ELAVL1: variants seen among roughly 807,000 people sequenced by gnomAD.
The protein encoded by ELAVL1 is ELAV like RNA binding protein 1, also known as ELAV-like protein 1.
In ELAVL1, 1 loss-of-function variant was observed where a neutral mutation model predicts 28.4. That is an observed-to-expected ratio of 0.04 (90% CI 0.01 to 0.17). The LOEUF is 0.17. Among genes scored for constraint, ELAVL1 ranks in the 10% least tolerant of loss-of-function variants. The probability of loss-of-function intolerance (pLI) is 1.00; values close to 1 mark genes in which losing one functional copy is unlikely to be tolerated. For synonymous variants in ELAVL1, 174 were observed against 183.5 expected (o/e 0.95, Z 0.42); for missense variants, 157 against 447.2 (o/e 0.35, Z 5.85).
rs149211357 is a variant in ELAVL1, at chr19:7,985,814, C to T, written c.173-4628G>A. ...GCTGTCCCAGAGGCCAGTGCATGCC[C>T]GGCTCTCACTTCCCTCAACTGGAGG... On this transcript the variant is annotated intron_variant, in intron 2 of 5. Transcript: ENST00000407627. 1.3e-4 allele frequency among the ~76,000 whole-genome samples: 20 copies of T among 152,312 alleles called. No homozygotes were observed. The East Asian group carries it at 3.7e-3, about 28-fold the overall frequency.
At chr19:8,001,460 T>A (rs1446807306) in intron 1 of ELAVL1, among the ~76,000 whole-genome samples, 1 of 152,092 alleles carries the variant, frequency 6.6e-6, no homozygotes. Flanking sequence ...CTAAGTGGGA[T>A]TGCAAACTCA....
At chr19:7,987,513 GGGCCA>G (rs1366994142) in intron 2 of ELAVL1, among the ~76,000 whole-genome samples, 10 of 152,308 alleles carry the variant, frequency 6.6e-5, no homozygotes, top group Non-Finnish European at 1.2e-4. Flanking sequence ...ATAGGGACCA[GGGCCA>G]GGCCAGCCAG....
In ELAVL1 at chr19:7,961,150, T is replaced by C. The variant is rs1339303553; in HGVS notation, c.*2333A>G. ...CCCAGCATCAGAATAATTGATAGGA[T>C]TCAGATAAAAGGGGGCGAGGAAAGA... On this transcript the variant is annotated 3_prime_UTR_variant, in exon 6 of 6. Coordinates refer to ENST00000407627, the MANE Select transcript of ELAVL1 (RefSeq NM_001419.3). 2 of 152,210 alleles carry C rather than the reference T, an allele frequency of 1.3e-5. No homozygotes were observed. The highest frequency in any genetic ancestry group is 2.9e-5 in the Non-Finnish European group (2 of 68,040). The allele number at this position is 152,210 out of a possible 1,614,324, so 9.4% of individuals were successfully genotyped here.
In ELAVL1 at chr19:7,961,178, C is replaced by G. The variant is rs1364671457; in HGVS notation, c.*2305G>C. On this transcript the variant is annotated 3_prime_UTR_variant, in exon 6 of 6. Transcript: ENST00000407627. The stretch of plus-strand genomic sequence containing the variant: ...AGATAAAAGGGGGCGAGGAAAGAAG[C>G]TGAGGTGCTACAAGCCCGTCATCAT... The G allele has an allele frequency of 1.3e-5, 2 of 152,288 alleles. No homozygotes were observed. Among genetic ancestry groups the G allele is most frequent in the East Asian group, 1.9e-4 (1 of 5,206 alleles). The allele number at this position is 152,288 out of a possible 1,614,324, so 9.4% of individuals were successfully genotyped here. A position where few individuals can be genotyped will look rare whatever the true frequency, so the allele number is the denominator to read the frequency against.
Position 7,962,435 on chromosome 19 carries a change from G to A in ELAVL1, c.*1048C>T, listed in dbSNP as rs1051042945. ...TTAATCTTTAAAACTACAAATCAAAGGTTTTGGTTAATAGATAACTGGCAA... is the reference window on the plus strand; with the variant it reads ...TTAATCTTTAAAACTACAAATCAAAAGTTTTGGTTAATAGATAACTGGCAA... On this transcript the variant is annotated 3_prime_UTR_variant, in exon 6 of 6. Transcript: ENST00000407627. 3.9e-5 allele frequency: 6 copies of A among 152,586 alleles called. No homozygotes were observed. Among genetic ancestry groups the A allele is most frequent in the Non-Finnish European group, 5.9e-5 (4 of 68,020 alleles). The allele number at this position is 152,586 out of a possible 1,614,324, so 9.5% of individuals were successfully genotyped here. A position where few individuals can be genotyped will look rare whatever the true frequency, so the allele number is the denominator to read the frequency against.
rs1568306126 is a variant in ELAVL1 at position 7,963,146 on chromosome 19, T to G, written c.*337A>C. 1 of 224,522 alleles carries G rather than the reference T, an allele frequency of 4.5e-6. No homozygotes were observed. Among genetic ancestry groups the G allele is most frequent in the East Asian group, 9.8e-5 (1 of 10,240 alleles). 13.9% of individuals were successfully genotyped at this position (224,522 alleles called of 1,614,324 possible). On this transcript the variant is annotated 3_prime_UTR_variant, in exon 6 of 6. Transcript: ENST00000407627. The surrounding 1 kb of genome is among the most constrained non-coding windows in gnomAD (Gnocchi z 4.5). Reference sequence around the variant, plus strand: ...CTACCCAGTCTGTGGAGACATTGAATGAAACGCGTGTTAGACAGTCTTAGA... The same window carrying G: ...CTACCCAGTCTGTGGAGACATTGAAGGAAACGCGTGTTAGACAGTCTTAGA...
intron 1 of ELAVL1, among the ~76,000 whole-genome samples, chr19:7,996,291 C>T (rs981153201): frequency 6.6e-6 from 1 of 151,780 alleles, no homozygotes; most frequent in Admixed American, 6.6e-5. Flanking sequence ...ATGCCATTCT[C>T]CTGCCTCAGC....
intron 3 of ELAVL1, among the ~76,000 whole-genome samples, chr19:7,974,663 A>G (rs1161559482): frequency 6.6e-6 from 1 of 152,172 alleles, no homozygotes; most frequent in Non-Finnish European, 1.5e-5. Context: ...CAGCCTCGTC[A>G]GGAGGCTGGG....
At chr19:7,996,614 C>T (rs1444959529) in intron 1 of ELAVL1, among the ~76,000 whole-genome samples, 5 of 151,530 alleles carry the variant, frequency 3.3e-5, no homozygotes, top group East Asian at 2.0e-4. Context: ...GAGACCAGTC[C>T]GGCCAACATG....
intron 1 of ELAVL1, among the ~76,000 whole-genome samples, chr19:7,993,861 T>C (rs530501420): frequency 6.6e-6 from 1 of 152,144 alleles, no homozygotes; most frequent in East Asian, 1.9e-4. Flanking sequence ...TGAACACACC[T>C]CTCATGTGGA....
chr19:7,981,657 C>T lies in ELAVL1; in HGVS notation c.173-471G>A, dbSNP rs559567052. On this transcript the variant is annotated intron_variant, in intron 2 of 5. Coordinates refer to ENST00000407627, the MANE Select transcript of ELAVL1 (RefSeq NM_001419.3). This position sits in a 1 kb window ranked among gnomAD's most constrained non-coding sequence, Gnocchi z 4.2. ...AAGTGTTGGGATTACAGATGTGAGC[C>T]ACTGAGCCTGGCCAAGAGGTTTTAC... Among the ~76,000 whole-genome samples, 5 of 152,254 alleles carry T rather than the reference C, an allele frequency of 3.3e-5. No individual in the cohort carries two copies. In the East Asian group the frequency reaches 9.6e-4, roughly 29 times the overall value.
chr19:7,993,581 T>A (rs1985807148), intron 1 of ELAVL1, among the ~76,000 whole-genome samples: 1 of 152,098 alleles, frequency 6.6e-6, no homozygotes, highest in African/African-American at 2.4e-5. Flanking sequence ...TGGAGAAGAG[T>A]CCAGATCAAT....
intron 4 of ELAVL1, 176 bp downstream of exon 4, chr19:7,973,549 G>A (rs1985184532): frequency 2.6e-6 from 2 of 770,412 alleles, no homozygotes; most frequent in South Asian, 4.0e-5. Context: ...TTCTTTTAAT[G>A]CCATCTTACC....
chr19:7,974,695 A>AAG (rs1985229415), intron 3 of ELAVL1, among the ~76,000 whole-genome samples: 1 of 152,086 alleles, frequency 6.6e-6, no homozygotes, highest in Non-Finnish European at 1.5e-5. Context: ...GGAGCAGGAG[A>AAG]TGTGTTCCCG....
intron 4 of ELAVL1, among the ~76,000 whole-genome samples, chr19:7,970,699 G>A (rs983963472): frequency 6.6e-6 from 1 of 152,078 alleles, no homozygotes; most frequent in African/African-American, 2.4e-5. Flanking sequence ...AAAAAATTAA[G>A]CTCTGTCAGC....
chr19:7,978,936 T>C (rs1451438859), intron 3 of ELAVL1, among the ~76,000 whole-genome samples: 2 of 152,168 alleles, frequency 1.3e-5, no homozygotes, highest in African/African-American at 4.8e-5. Context: ...TCCAGGCCCT[T>C]ATCACACTGC....
chr19:7,986,875 T>G (rs1465918215), intron 2 of ELAVL1, among the ~76,000 whole-genome samples: 1 of 152,182 alleles, frequency 6.6e-6, no homozygotes, highest in Admixed American at 6.5e-5. Flanking sequence ...CATGAATACG[T>G]AAAGAAAATC....
At chr19:7,997,929 C>T (rs747363552) in intron 1 of ELAVL1, among the ~76,000 whole-genome samples, 26 of 151,954 alleles carry the variant, frequency 1.7e-4, no homozygotes, top group Non-Finnish European at 2.9e-4. Context: ...CCAGCGTGGG[C>T]GACAGAGTGA....
intron 1 of ELAVL1, among the ~76,000 whole-genome samples, chr19:8,002,948 A>G (rs2081073203): frequency 6.6e-6 from 1 of 152,222 alleles, no homozygotes; most frequent in African/African-American, 2.4e-5. Context: ...AAGATTTTAA[A>G]TCAGAAGGGA....
Sources: allele counts gnomAD v4.1 joint callset (sites outside exome capture counted in the v4.1 genomes callset), GRCh38; gene constraint gnomAD v4.1.1; non-coding constraint Gnocchi (gnomAD v3.1); transcripts MANE v1.5; gene names NCBI Gene and HGNC (gene_info 2026-07-23, HGNC 2026-07-21).